The following COL6A5 variants were observed in gnomAD, a reference collection of about 807,000 sequenced individuals.
The protein encoded by COL6A5 is collagen type VI alpha 5 chain, also known as collagen alpha-5(VI) chain.
Under a neutral mutation model 65.6 loss-of-function variants are expected in COL6A5, and 48 were observed. The ratio of observed to expected loss-of-function variants is 0.73; its 90% confidence interval spans 0.58 to 0.93. The LOEUF (loss-of-function observed/expected upper bound fraction) is 0.93. Among genes scored for constraint, COL6A5 ranks in the 40% least tolerant of loss-of-function variants. The probability of loss-of-function intolerance (pLI) is 0.00; values close to 1 mark genes in which losing one functional copy is unlikely to be tolerated. For synonymous variants in COL6A5, 291 were observed against 322.8 expected, an observed-to-expected ratio of 0.90 and a Z score of 1.05; for missense variants, 914 against 928.3, an observed-to-expected ratio of 0.98 and a Z score of 0.20.
In COL6A5 at chr3:130,423,622, CA is replaced by C. The variant is rs572056921; in HGVS notation, c.5101-213del. ...TTGAAATGCACGGCCAGTGCCAGAACAAAGTATGTCACAAAGAGGCTAGGAG... is the reference window on the plus strand; with the variant it reads ...TTGAAATGCACGGCCAGTGCCAGAACAAGTATGTCACAAAGAGGCTAGGAG... On this transcript the variant is annotated intron_variant and NMD_transcript_variant, in intron 28 of 41. Transcript: ENST00000312481. Among the ~76,000 whole-genome samples the C allele has an allele frequency of 5.4e-3, 819 of 152,242 alleles. 13 individuals are homozygous for C. Among genetic ancestry groups the C allele is most frequent in the African/African-American group, 0.019 (792 of 41,552 alleles).
chr3:130,471,490 G>A (rs1386118984), intron 7 of COL6A5, among the ~76,000 whole-genome samples, 192 bp from the exon 40 acceptor site: 1 of 152,086 alleles, frequency 6.6e-6, no homozygotes, highest in African/African-American at 2.4e-5. Context: ...CTAAACTGCG[G>A]AGACAAATGT....
At chr3:130,393,401 T>C (rs1223510110) in intron 7 of COL6A5, among the ~76,000 whole-genome samples, 1 of 152,162 alleles carries the variant, frequency 6.6e-6, no homozygotes, top group African/African-American at 2.4e-5. Context: ...TCACTCCTTC[T>C]ATTTTCCAGG....
intron 14 of COL6A5, 120 bp downstream of exon 14, chr3:130,405,779 A>G: frequency 1.1e-6 from 1 of 948,322 alleles, no homozygotes; most frequent in Non-Finnish European, 1.6e-6. Flanking sequence ...TCCTTTCTCC[A>G]GTTATATAGA....
At chr3:130,430,107 G>A (rs1000138548), upstream of COL6A5, among the ~76,000 whole-genome samples, 1 of 152,162 alleles carries the variant, frequency 6.6e-6, no homozygotes, top group Non-Finnish European at 1.5e-5. Context: ...TGGAGCCAGT[G>A]GCTATGTCAA....
At chr3:130,462,579 T>C (rs1027448921) in intron 5 of COL6A5, among the ~76,000 whole-genome samples, 15 of 152,208 alleles carry the variant, frequency 9.9e-5, no homozygotes, top group African/African-American at 3.1e-4. Flanking sequence ...GATTGTAGTA[T>C]ATTGTTACAT....
intron 17 of COL6A5, among the ~76,000 whole-genome samples, chr3:130,408,591 A>T (rs1258441523): frequency 1.3e-5 from 2 of 152,130 alleles, no homozygotes; most frequent in African/African-American, 4.8e-5. Flanking sequence ...CCTTTGAAGC[A>T]TATGATCTCT....
exon 8 of COL6A5, chr3:130,484,304 G>A (rs1710322284): frequency 4.0e-6 from 2 of 502,664 alleles, no homozygotes; most frequent in Admixed American, 3.6e-5. Context: ...TGGGGAAACC[G>A]ACCTATAAGA....
At chr3:130,448,593 G>T (rs552789192) in intron 4 of COL6A5, among the ~76,000 whole-genome samples, 1 of 152,240 alleles carries the variant, frequency 6.6e-6, no homozygotes, top group Admixed American at 6.5e-5. Flanking sequence ...GTGTAATCCA[G>T]CCTCTGTAAC....
At chr3:130,443,664 G>A (rs1245415483) in intron 4 of COL6A5, 98 bp downstream of exon 36, 4 of 643,460 alleles carry the variant, frequency 6.2e-6, no homozygotes, top group African/African-American at 5.5e-5. Flanking sequence ...ATGCTAACAA[G>A]GTCTCTGAAG....
At chr3:130,415,676 A>T in exon 23 of COL6A5, 6 of 1,546,424 alleles carry the variant, frequency 3.9e-6, no homozygotes, top group Non-Finnish European at 5.2e-6. Flanking sequence ...AGAAAAGGAG[A>T]AAAAGGAAGC....
chr3:130,431,633 A>G (rs1937814967), exon 1 of COL6A5: 3 of 1,551,592 alleles, frequency 1.9e-6, no homozygotes, highest in Non-Finnish European at 2.6e-6. Context: ...ATGGTTTCCT[A>G]TAACTCAGGC....
At chr3:130,372,744 TG>T (rs148477961) in intron 1 of COL6A5, among the ~76,000 whole-genome samples, 2,653 of 152,196 alleles carry the variant, frequency 0.017, 70 homozygotes, top group African/African-American at 0.061. Flanking sequence ...TCCCCTGAAC[TG>T]GGGGCTTAAT....
chr3:130,415,865 A>G (rs1414017974), intron 23 of COL6A5, among the ~76,000 whole-genome samples, 158 bp downstream of exon 23: 1 of 152,158 alleles, frequency 6.6e-6, no homozygotes, highest in Admixed American at 6.5e-5. Context: ...CAGATTCCTC[A>G]TACGTAGCTA....
At chr3:130,393,599 G>A (rs1320497505) in intron 7 of COL6A5, among the ~76,000 whole-genome samples, 1 of 152,196 alleles carries the variant, frequency 6.6e-6, no homozygotes, top group Non-Finnish European at 1.5e-5. Context: ...CATTTTTGAG[G>A]TAGTGGTGAG....
At chr3:130,417,424 C>G (rs898562821) in intron 24 of COL6A5, among the ~76,000 whole-genome samples, 26 of 152,194 alleles carry the variant, frequency 1.7e-4, no homozygotes, top group African/African-American at 6.0e-4. Flanking sequence ...TTCCATTGAG[C>G]AAAGAGTTTC....
Position 130,361,587 on chromosome 3 carries a change from C to A in COL6A5, c.-28-12024C>A, listed in dbSNP as rs139829914. On this transcript the variant is annotated intron_variant and NMD_transcript_variant, in intron 1 of 41. Transcript: ENST00000312481. ...AGTTTTCAACTCATTTGGGTAAATACCAGGAAGCGTGATTGCTGGATTGTA... is the reference window on the plus strand; with the variant it reads ...AGTTTTCAACTCATTTGGGTAAATAACAGGAAGCGTGATTGCTGGATTGTA... Among the ~76,000 whole-genome samples, 596 of 152,098 alleles carry A rather than the reference C, an allele frequency of 3.9e-3. 2 individuals carry two copies. Among genetic ancestry groups the A allele is most frequent in the African/African-American group, 0.013 (541 of 41,514 alleles).
chr3:130,413,564 G>A (rs1292868697), exon 21 of COL6A5: 14 of 1,549,318 alleles, frequency 9.0e-6, no homozygotes, highest in South Asian at 2.4e-5. Flanking sequence ...GGTCAAAGGG[G>A]ACTCCGAGGT....
intron 4 of COL6A5, among the ~76,000 whole-genome samples, chr3:130,382,337 T>A (rs1431473220): frequency 6.6e-6 from 1 of 152,142 alleles, no homozygotes; most frequent in African/African-American, 2.4e-5. Flanking sequence ...GCAAAGGAGT[T>A]GCCAGAAACT....
chr3:130,389,693 A>G (rs1936326333), intron 6 of COL6A5, among the ~76,000 whole-genome samples: 1 of 151,972 alleles, frequency 6.6e-6, no homozygotes, highest in Non-Finnish European at 1.5e-5. Context: ...GAAAAATTGT[A>G]ATTTGTCACT....
Sources: allele counts gnomAD v4.1 joint callset (sites outside exome capture counted in the v4.1 genomes callset), GRCh38; gene constraint gnomAD v4.1.1; transcripts MANE v1.5; gene names NCBI Gene and HGNC (gene_info 2026-07-23, HGNC 2026-07-21).